The following TMEM117 variants were observed in gnomAD, a reference collection of about 807,000 sequenced individuals.
TMEM117 encodes transmembrane protein 117.
In TMEM117, 27 loss-of-function variants were observed where a neutral mutation model predicts 52.4. The ratio of observed to expected loss-of-function variants is 0.51; its 90% CI spans 0.38 to 0.71. TMEM117 has a LOEUF of 0.71. TMEM117 is among the 30% of genes least tolerant of loss of function. TMEM117 has a pLI of 0.00. For synonymous variants in TMEM117, 215 were observed against 206.3 expected (o/e 1.04, Z -0.36); for missense variants, 556 against 630.5 (o/e 0.88, Z 1.26).
At chr12:43,892,444 C>A (rs922780049) in intron 2 of TMEM117, among the ~76,000 whole-genome samples, 2 of 152,092 alleles carry the variant, frequency 1.3e-5, no homozygotes, top group African/African-American at 2.4e-5. Flanking sequence ...CAGGGTAAGC[C>A]ATATCGTTTA....
the TMEM117 span, among the ~76,000 whole-genome samples, chr12:43,803,388 A>G: frequency 6.6e-6 from 1 of 152,180 alleles, no homozygotes; most frequent in South Asian, 2.1e-4. Flanking sequence ...CTCTTATACC[A>G]GAAAAACACT....
intron 5 of TMEM117, among the ~76,000 whole-genome samples, chr12:44,236,553 G>A (rs1235231082): frequency 2.6e-5 from 4 of 151,974 alleles, no homozygotes; most frequent in African/African-American, 9.7e-5. Flanking sequence ...AATATAATAA[G>A]CGTGGTTGTT....
At chr12:43,860,625 C>T (rs956466369) in intron 2 of TMEM117, among the ~76,000 whole-genome samples, 9 of 151,946 alleles carry the variant, frequency 5.9e-5, no homozygotes, top group African/African-American at 2.2e-4. Flanking sequence ...CCTGAAAGCC[C>T]CAGAGCAGTG....
At chr12:44,265,241 A>G (rs1216585374) in intron 5 of TMEM117, among the ~76,000 whole-genome samples, 1 of 152,218 alleles carries the variant, frequency 6.6e-6, no homozygotes, top group Non-Finnish European at 1.5e-5. Flanking sequence ...GTTATGATCC[A>G]GAAACAAAGG....
chr12:43,958,749 G>GAAT (rs1394898366), intron 3 of TMEM117, among the ~76,000 whole-genome samples: 15 of 152,098 alleles, frequency 9.9e-5, no homozygotes, highest in African/African-American at 3.6e-4. Flanking sequence ...TGGCAGGAGA[G>GAAT]AATATCTGAA....
chr12:44,117,365 G>A (rs759518148), intron 3 of TMEM117, among the ~76,000 whole-genome samples: 9 of 151,662 alleles, frequency 5.9e-5, no homozygotes, highest in Admixed American at 1.3e-4. Context: ...TTTAATTGTA[G>A]CATTTTCTTC....
At chr12:44,207,845 C>G (rs995152564) in intron 4 of TMEM117, among the ~76,000 whole-genome samples, 2 of 151,674 alleles carry the variant, frequency 1.3e-5, no homozygotes, top group Non-Finnish European at 2.9e-5. Flanking sequence ...AGGGTTAGAA[C>G]CCAGGCAGGC....
intron 3 of TMEM117, among the ~76,000 whole-genome samples, chr12:44,090,233 G>A (rs983352295): frequency 9.2e-5 from 14 of 151,806 alleles, no homozygotes; most frequent in East Asian, 5.8e-4. Context: ...GGATTGTTAC[G>A]TGTGTGATGC....
intron 3 of TMEM117, among the ~76,000 whole-genome samples, chr12:44,000,377 A>C (rs921664294): frequency 6.6e-6 from 1 of 152,166 alleles, no homozygotes; most frequent in Non-Finnish European, 1.5e-5. Flanking sequence ...GTACTCCCAG[A>C]GGCAAGTGAC....
chr12:43,865,851 A>G (rs998275412), intron 2 of TMEM117, among the ~76,000 whole-genome samples: 2 of 151,954 alleles, frequency 1.3e-5, no homozygotes, highest in African/African-American at 2.4e-5. Context: ...TGAAATGATT[A>G]GCCAATAATT....
At chr12:44,352,536 A>G (rs1309632382) in intron 6 of TMEM117, among the ~76,000 whole-genome samples, 1 of 152,016 alleles carries the variant, frequency 6.6e-6, no homozygotes, top group South Asian at 2.1e-4. Context: ...ATGAGTGAGA[A>G]CATGCAGTGT....
rs965297065 is a variant in TMEM117, at chr12:43,859,566, G to A, written c.277+14638G>A. 4.8e-5 allele frequency among the ~76,000 whole-genome samples: 7 copies of A among 146,430 alleles called. No homozygotes were observed. In the East Asian group the frequency reaches 7.7e-4, roughly 16 times the overall value. On this transcript the variant is annotated intron_variant, in intron 2 of 7. Transcript: ENST00000266534. ...AAAATTTTTTGATCAAAAAGATGAC[G>A]AGATCAAAACAGTATCATAGGAAAA...
chr12:44,146,823 C>T (rs1565847944), intron 4 of TMEM117, among the ~76,000 whole-genome samples: 1 of 152,144 alleles, frequency 6.6e-6, no homozygotes. Flanking sequence ...TTTACATTAA[C>T]AATCAAAGTG....
At chr12:44,221,603 A>G (rs1008056037) in intron 5 of TMEM117, among the ~76,000 whole-genome samples, 3 of 152,152 alleles carry the variant, frequency 2.0e-5, no homozygotes, top group Non-Finnish European at 4.4e-5. Flanking sequence ...GTAATTAATG[A>G]TATCTGTGAA....
chr12:44,085,553 C>T (rs778177965), intron 3 of TMEM117, among the ~76,000 whole-genome samples: 1 of 152,200 alleles, frequency 6.6e-6, no homozygotes, highest in East Asian at 1.9e-4. Flanking sequence ...ACCTTCAGCT[C>T]CCCTCTACAG....
chr12:43,962,602 C>A (rs1417707686), intron 3 of TMEM117, among the ~76,000 whole-genome samples: 2 of 152,068 alleles, frequency 1.3e-5, no homozygotes, highest in Non-Finnish European at 2.9e-5. Flanking sequence ...TAGTTTAATT[C>A]TCTCTCCCTA....
At chr12:43,865,385 A>G (rs929405631) in intron 2 of TMEM117, among the ~76,000 whole-genome samples, 1 of 152,172 alleles carries the variant, frequency 6.6e-6, no homozygotes, top group Non-Finnish European at 1.5e-5. Flanking sequence ...GAGTTGCCGC[A>G]GGATTGTGGG....
chr12:44,390,199 G>GAC (rs58917894), downstream of TMEM117, among the ~76,000 whole-genome samples: 5,936 of 143,590 alleles, frequency 0.041, 126 homozygotes, highest in East Asian at 0.092. Flanking sequence ...AAACATATCT[G>GAC]ACACACACAC....
intron 3 of TMEM117, among the ~76,000 whole-genome samples, chr12:44,003,863 A>T (rs1946153231): frequency 6.6e-6 from 1 of 152,144 alleles, no homozygotes; most frequent in African/African-American, 2.4e-5. Flanking sequence ...AGGAAATGAC[A>T]TGAGTAGTCA....
Sources: allele counts gnomAD v4.1 joint callset (sites outside exome capture counted in the v4.1 genomes callset), GRCh38; gene constraint gnomAD v4.1.1; transcripts MANE v1.5; gene names NCBI Gene and HGNC (gene_info 2026-07-23, HGNC 2026-07-21).